FRMPD4: variants seen among roughly 807,000 people sequenced by gnomAD.
FRMPD4 encodes FERM and PDZ domain containing 4, also known as FERM and PDZ domain-containing protein 4.
FRMPD4 carries 22 observed loss-of-function variants against 94.1 expected under a neutral mutation model. The observed-to-expected ratio is 0.23, with a 90% CI of 0.17 to 0.33. The LOEUF (loss-of-function observed/expected upper bound fraction) is 0.33. Ranked by LOEUF, FRMPD4 falls within the 10% of genes least tolerant of loss-of-function variation. FRMPD4 has a pLI of 1.00. For synonymous variants in FRMPD4, 631 were observed against 548.6 expected (o/e 1.15, Z -2.10); for missense variants, 1,111 against 1,339.9 (o/e 0.83, Z 2.67).
At chrX:12,349,361 A>T in intron 1 of FRMPD4, among the ~76,000 whole-genome samples, 1 of 110,730 alleles carries the variant, frequency 9.0e-6, no homozygotes. Context: ...ATAAGTCCCG[A>T]TGTGATCAAA....
intron 3 of FRMPD4, among the ~76,000 whole-genome samples, chrX:12,123,157 A>G (rs1234745780): frequency 1.4e-5 from 1 of 72,765 alleles, no homozygotes; most frequent in African/African-American, 4.9e-5. Context: ...TTTGTTTTTT[A>G]GATGGAATCT....
intron 1 of FRMPD4, among the ~76,000 whole-genome samples, chrX:12,339,541 G>A (rs990710833): frequency 8.0e-5 from 9 of 111,858 alleles, no homozygotes; most frequent in African/African-American, 2.9e-4. Flanking sequence ...TCCTGGGAAA[G>A]TATGAAGTAA....
intron 3 of FRMPD4, among the ~76,000 whole-genome samples, chrX:12,084,631 A>C (rs1235241345): frequency 1.8e-5 from 2 of 112,206 alleles, no homozygotes; most frequent in Non-Finnish European, 3.8e-5. Context: ...ATAGTAGGAC[A>C]ACAAATAAGC....
chrX:12,392,631 C>T (rs1374553317), intron 1 of FRMPD4, among the ~76,000 whole-genome samples: 2 of 109,429 alleles, frequency 1.8e-5, no homozygotes, highest in African/African-American at 6.7e-5. Context: ...CCAGCCTGGG[C>T]GACAGAGTGA....
At chrX:12,424,279 A>T (rs1258193653) in intron 1 of FRMPD4, among the ~76,000 whole-genome samples, 4 of 112,513 alleles carry the variant, frequency 3.6e-5, no homozygotes, top group African/African-American at 1.3e-4. Context: ...GAACATCTGC[A>T]ATGAAGGCTT....
chrX:11,909,091 C>G (rs1480100815), intron 3 of FRMPD4, among the ~76,000 whole-genome samples: 1 of 111,380 alleles, frequency 9.0e-6, no homozygotes, highest in African/African-American at 3.3e-5. Context: ...ACATATTCCC[C>G]CCATGCTATT....
chrX:11,856,458 C>T lies in FRMPD4; in HGVS notation c.-160-8628C>T, dbSNP rs1277375739. The stretch of plus-strand genomic sequence containing the variant: ...AACAGGAATAAAGACAAAAATCACA[C>T]GATTATCTCAATAGATACAGAAAAG... On this transcript the variant is annotated intron_variant, in intron 1 of 18. Coordinates refer to the FRMPD4 transcript ENST00000640291. Among the ~76,000 whole-genome samples the T allele has an allele frequency of 3.2e-4, 36 of 111,509 alleles. 1 individual carries two copies. The highest frequency in any genetic ancestry group is 1.9e-5 in the Non-Finnish European group (1 of 53,068).
intron 1 of FRMPD4, among the ~76,000 whole-genome samples, chrX:12,226,863 C>T (rs2056928374): frequency 9.1e-6 from 1 of 110,197 alleles, no homozygotes; most frequent in African/African-American, 3.3e-5. Context: ...AACCTGCCCT[C>T]TGCTTGGGAA....
intron 1 of FRMPD4, among the ~76,000 whole-genome samples, chrX:12,441,293 T>C (rs1260884738): frequency 8.9e-6 from 1 of 112,388 alleles, no homozygotes; most frequent in African/African-American, 3.2e-5. Flanking sequence ...AAATTGCATA[T>C]TTAAAAAACC....
intron 1 of FRMPD4, among the ~76,000 whole-genome samples, chrX:11,851,854 T>C (rs888713268): frequency 2.7e-5 from 3 of 109,231 alleles, no homozygotes; most frequent in Non-Finnish European, 3.8e-5. Flanking sequence ...AGCTTTGGTA[T>C]GATGACAGTA....
chrX:12,571,173 C>T (rs1287318526), intron 2 of FRMPD4, among the ~76,000 whole-genome samples: 2 of 112,499 alleles, frequency 1.8e-5, no homozygotes, highest in African/African-American at 6.5e-5. Flanking sequence ...GAATAATTTA[C>T]TCTTCAGCCA....
chrX:12,133,270 C>G lies in FRMPD4; in HGVS notation c.95+255252C>G, dbSNP rs187521778. 1.3e-4 allele frequency among the ~76,000 whole-genome samples: 14 copies of G among 107,306 alleles called. No individual in the cohort carries two copies. The East Asian group carries it at 3.7e-3, about 29-fold the overall frequency. 93.2% of individuals were successfully genotyped at this position (107,306 alleles called of 115,157 possible). ...TTTATTTTTTAGAGATGGGGTCTCA[C>G]TATGTTACCCAGGCTGGTCTCGAAC... On this transcript the variant is annotated intron_variant, in intron 3 of 18. Coordinates refer to the FRMPD4 transcript ENST00000640291.
At chrX:12,670,140 A>G (rs2059824537) in intron 4 of FRMPD4, among the ~76,000 whole-genome samples, 1 of 112,043 alleles carries the variant, frequency 8.9e-6, no homozygotes, top group South Asian at 3.7e-4. Flanking sequence ...CATTTGTCCC[A>G]CAGCCTTATG....
rs1022458361 is a variant in FRMPD4 at position 12,307,507 on chromosome X, T to C, written c.41+168495T>C. Among the ~76,000 whole-genome samples the C allele has an allele frequency of 3.6e-5, 4 of 111,657 alleles. No individual in the cohort carries two copies. In the Middle Eastern group the frequency reaches 0.014, roughly 386 times the overall value. On this transcript the variant is annotated intron_variant, in intron 1 of 16. Coordinates refer to ENST00000675598, the MANE Select transcript of FRMPD4 (RefSeq NM_001368397.1). ...AAGAAATCCGACACAAATAATTCAA[T>C]ATATATGAAGTTCAAAAACAGGCAA...
chrX:11,995,736 A>G (rs1277978728), intron 3 of FRMPD4, among the ~76,000 whole-genome samples: 1 of 112,227 alleles, frequency 8.9e-6, no homozygotes, highest in East Asian at 2.8e-4. Flanking sequence ...AAACAAGCAT[A>G]TCAACTTCTC....
At chrX:12,684,925 T>C (rs2147108719) in intron 6 of FRMPD4, among the ~76,000 whole-genome samples, 1 of 111,654 alleles carries the variant, frequency 9.0e-6, no homozygotes, top group Non-Finnish European at 1.9e-5. Flanking sequence ...GGCTTGTGGA[T>C]GGCAGGGATG....
At chrX:12,206,508 C>G (rs767069816) in intron 1 of FRMPD4, among the ~76,000 whole-genome samples, 24 of 112,016 alleles carry the variant, frequency 2.1e-4, no homozygotes, top group Non-Finnish European at 4.1e-4. Context: ...ATCAGACATA[C>G]TAACACCTGT....
In FRMPD4 at chrX:12,356,444, A is replaced by G. The variant is rs140603426; in HGVS notation, c.42-142236A>G. ...GAATGTTTGTGTCTCTAAAATTCCT[A>G]TATTGAATCCTCATCCTGAAGTGAT... On this transcript the variant is annotated intron_variant, in intron 1 of 16. Coordinates refer to ENST00000675598, the MANE Select transcript of FRMPD4 (RefSeq NM_001368397.1). Among the ~76,000 whole-genome samples the G allele has an allele frequency of 2.3e-3, 256 of 111,191 alleles. 1 individual carries two copies. The highest frequency in any genetic ancestry group is 8.2e-3 in the African/African-American group (250 of 30,599).
rs1427921184 is a variant in FRMPD4 at position 12,721,335 on chromosome X, T to C, written c.4766T>C (p.Ile1589Thr). 6.6e-6 allele frequency: 5 copies of C among 754,111 alleles called. No individual in the cohort carries two copies. The highest frequency in any genetic ancestry group is 7.8e-6 in the Non-Finnish European group (5 of 639,045). 62.1% of individuals were successfully genotyped at this position (754,111 alleles called of 1,213,427 possible). The change falls in exon 17 of 17, where the codon ATT (isoleucine) becomes ACT (threonine). Residue 1589 changes from isoleucine to threonine, a missense_variant. By Grantham distance (89) the Ile-to-Thr change is moderately conservative. Around this residue, in one of 8 missense-constraint regions of FRMPD4, gnomAD observed 551 missense variants for 591.6 expected, o/e 0.93. Coordinates refer to ENST00000675598, the MANE Select transcript of FRMPD4 (RefSeq NM_001368397.1). ...AGCAACCTGGCTTTTGATGCCCGGA[T>C]TGCAAGAATAAATGCCCTAAAGGAG... is the stretch of plus-strand genomic sequence containing the variant. Reference protein sequence around the residue: ...DFSNLAFDARIARINALKEST... With the variant: ...DFSNLAFDARTARINALKEST...
Sources: allele counts gnomAD v4.1 joint callset (sites outside exome capture counted in the v4.1 genomes callset), GRCh38; gene constraint gnomAD v4.1.1; regional missense constraint gnomAD v4.1.1; transcripts MANE v1.5; gene names NCBI Gene and HGNC (gene_info 2026-07-23, HGNC 2026-07-21).